RGS7: variants seen among roughly 807,000 people sequenced by gnomAD.
RGS7 encodes regulator of G-protein signaling 7.
In RGS7, 27 loss-of-function variants were observed where a neutral mutation model predicts 81.1. The observed-to-expected ratio is 0.33, with a 90% CI of 0.25 to 0.46. RGS7 has a LOEUF of 0.46. Among genes scored for constraint, RGS7 ranks in the 20% least tolerant of loss-of-function variants. RGS7 has a pLI of 1.00. For synonymous variants in RGS7, 208 were observed against 207.7 expected, an observed-to-expected ratio of 1.00 and a Z score of -0.01; for missense variants, 396 against 607.4, an observed-to-expected ratio of 0.65 and a Z score of 3.66.
intron 2 of RGS7, among the ~76,000 whole-genome samples, chr1:241,327,028 A>AAGGAAGGG (rs1558320448): frequency 3.8e-4 from 1 of 2,652 alleles, no homozygotes; most frequent in Non-Finnish European, 5.7e-4. Context: ...GGAAGGAAGG[A>AAGGAAGGG]AGGAAGGAAG....
At chr1:241,253,814 C>G (rs760268326) in intron 2 of RGS7, among the ~76,000 whole-genome samples, 10 of 152,092 alleles carry the variant, frequency 6.6e-5, no homozygotes, top group Non-Finnish European at 1.3e-4. Flanking sequence ...AGAGGAGGCT[C>G]TTCTTATTTC....
In RGS7 at chr1:241,194,541, G is replaced by A. The variant is rs183805996; in HGVS notation, c.79-95779C>T. The stretch of plus-strand genomic sequence containing the variant: ...GAATTTATTCCCTAAACTCAGTAAA[G>A]CCACTGACTTTCAGAAAATGAATAA... On this transcript the variant is annotated intron_variant, in intron 2 of 18. Coordinates refer to ENST00000440928, the MANE Select transcript of RGS7 (RefSeq NM_001364886.1). Among the ~76,000 whole-genome samples, 18 of 152,234 alleles carry A rather than the reference G, an allele frequency of 1.2e-4. No homozygotes were observed. The East Asian group carries it at 1.5e-3, about 13-fold the overall frequency.
rs28767488 is a variant in RGS7 at position 240,954,775 on chromosome 1, T to C, written c.227-18069A>G. On this transcript the variant is annotated intron_variant, in intron 4 of 18. Coordinates refer to ENST00000440928, the MANE Select transcript of RGS7 (RefSeq NM_001364886.1). ...TCAATAAGGCAAAGAAAAAATGTTATACACATTGGAAAAGAAGAAATAGTT... is the reference window on the plus strand; with the variant it reads ...TCAATAAGGCAAAGAAAAAATGTTACACACATTGGAAAAGAAGAAATAGTT... Among the ~76,000 whole-genome samples, 998 of 152,268 alleles carry C rather than the reference T, an allele frequency of 6.6e-3. 15 individuals are homozygous for C. Among genetic ancestry groups the C allele is most frequent in the African/African-American group, 0.022 (908 of 41,566 alleles).
At chr1:241,201,688 T>C (rs990061539) in intron 2 of RGS7, among the ~76,000 whole-genome samples, 3 of 152,304 alleles carry the variant, frequency 2.0e-5, no homozygotes, top group African/African-American at 7.2e-5. Context: ...AGCATTTGAA[T>C]AGGTACTTTA....
At chr1:241,221,010 G>A (rs781092740) in intron 2 of RGS7, among the ~76,000 whole-genome samples, 15,966 of 57,846 alleles carry the variant, frequency 0.28, 1,862 homozygotes, top group Middle Eastern at 0.33. Flanking sequence ...AGAGAGAAAG[G>A]AAGGAAGGAA....
At chr1:240,847,137 A>G (rs746153400) in intron 9 of RGS7, among the ~76,000 whole-genome samples, 1 of 152,146 alleles carries the variant, frequency 6.6e-6, no homozygotes, top group Non-Finnish European at 1.5e-5. Context: ...CCCCAAAAGT[A>G]TTTTTCCTGA....
At chr1:240,933,756 C>T (rs10926381) in intron 5 of RGS7, among the ~76,000 whole-genome samples, 3,613 of 151,930 alleles carry the variant, frequency 0.024, 153 homozygotes, top group African/African-American at 0.079. Flanking sequence ...TATTGAAAGT[C>T]ATGAAAGAGA....
intron 3 of RGS7, among the ~76,000 whole-genome samples, chr1:241,076,726 G>A (rs1210980379): frequency 6.6e-6 from 1 of 152,088 alleles, no homozygotes; most frequent in African/African-American, 2.4e-5. Flanking sequence ...GCACCCAATG[G>A]CCAATTGATT....
intron 2 of RGS7, among the ~76,000 whole-genome samples, chr1:241,245,492 T>G (rs921247275): frequency 1.5e-4 from 19 of 128,764 alleles, no homozygotes; most frequent in Non-Finnish European, 3.4e-5. Flanking sequence ...CTTTTCCTTA[T>G]AAAAAAAAAA....
intron 2 of RGS7, among the ~76,000 whole-genome samples, chr1:241,313,286 T>G (rs1256969530): frequency 6.6e-6 from 1 of 152,240 alleles, no homozygotes; most frequent in African/African-American, 2.4e-5. Context: ...AGCCTTCTGT[T>G]GGAAAAAGAT....
At chr1:241,295,492 C>T (rs909317186) in intron 2 of RGS7, among the ~76,000 whole-genome samples, 3 of 151,826 alleles carry the variant, frequency 2.0e-5, no homozygotes, top group African/African-American at 7.3e-5. Context: ...TACAAATATA[C>T]AGACATTAAT....
chr1:240,848,063 A>G (rs1659422949), intron 9 of RGS7, among the ~76,000 whole-genome samples: 1 of 152,194 alleles, frequency 6.6e-6, no homozygotes, highest in Non-Finnish European at 1.5e-5. Flanking sequence ...GGGGTTCTGC[A>G]AGATCAAAAT....
intron 2 of RGS7, among the ~76,000 whole-genome samples, chr1:241,157,085 C>T (rs191115023): frequency 3.6e-4 from 55 of 151,774 alleles, no homozygotes; most frequent in Non-Finnish European, 6.3e-4. Context: ...GGTCAGTCAG[C>T]TGTTAAAACT....
At chr1:241,236,661 A>G (rs2075995700) in intron 2 of RGS7, among the ~76,000 whole-genome samples, 2 of 152,234 alleles carry the variant, frequency 1.3e-5, no homozygotes, top group African/African-American at 4.8e-5. Flanking sequence ...AGATTCTAGG[A>G]CAAATCAAAC....
intron 14 of RGS7, among the ~76,000 whole-genome samples, chr1:240,810,417 T>C (rs915829548): frequency 2.0e-5 from 3 of 151,756 alleles, no homozygotes; most frequent in Non-Finnish European, 2.9e-5. Flanking sequence ...TCAAGGATCC[T>C]TTATCTCTGC....
intron 4 of RGS7, among the ~76,000 whole-genome samples, chr1:240,963,828 G>T (rs1681858549): frequency 6.6e-6 from 1 of 152,152 alleles, no homozygotes; most frequent in South Asian, 2.1e-4. Flanking sequence ...TACAGATATG[G>T]CTGGTTAAGA....
intron 13 of RGS7, among the ~76,000 whole-genome samples, chr1:240,812,606 T>C (rs909693766): frequency 8.5e-5 from 13 of 152,054 alleles, no homozygotes; most frequent in Non-Finnish European, 1.5e-4. Context: ...GGCTACTTTT[T>C]GTATTTTTAG....
chr1:240,896,214 T>C (rs1669068791), intron 6 of RGS7, among the ~76,000 whole-genome samples: 3 of 152,198 alleles, frequency 2.0e-5, no homozygotes, highest in African/African-American at 7.2e-5. Flanking sequence ...TTGTAAACAT[T>C]TTCTCCCATT....
At chr1:241,028,243 A>T (rs2059892224) in intron 3 of RGS7, among the ~76,000 whole-genome samples, 1 of 152,202 alleles carries the variant, frequency 6.6e-6, no homozygotes, top group Non-Finnish European at 1.5e-5. Context: ...ATGCCGATGG[A>T]TAGAGTTTTG....
Sources: allele counts gnomAD v4.1 joint callset (sites outside exome capture counted in the v4.1 genomes callset), GRCh38; gene constraint gnomAD v4.1.1; transcripts MANE v1.5; gene names NCBI Gene and HGNC (gene_info 2026-07-23, HGNC 2026-07-21).